Variants in CATSPERT observed in about 807,000 individuals in gnomAD.
CATSPERT encodes the protein cation channel sperm-associated targeting subunit tau.
chr2:201,579,855 T>TA, the CATSPERT span, among the ~76,000 whole-genome samples: 2 of 144,286 alleles, frequency 1.4e-5, no homozygotes, highest in Admixed American at 1.4e-4. Context: ...TTCTTTTTCT[T>TA]TTTTTTTTTT....
chr2:201,491,980 G>T, the CATSPERT span: 3 of 1,536,880 alleles, frequency 2.0e-6, no homozygotes, highest in Non-Finnish European at 1.7e-6. Flanking sequence ...ATTTTCATTG[G>T]AAGAAGGTTG....
At chr2:201,595,424 G>A in the CATSPERT span, among the ~76,000 whole-genome samples, 5 of 151,842 alleles carry the variant, frequency 3.3e-5, no homozygotes, top group African/African-American at 4.8e-5. Context: ...TCCTGACCTC[G>A]TGATCCGCCC....
the CATSPERT span, among the ~76,000 whole-genome samples, chr2:201,612,535 C>T: frequency 6.9e-6 from 1 of 145,908 alleles, no homozygotes; most frequent in Non-Finnish European, 1.5e-5. Flanking sequence ...GATCATGCCA[C>T]TGCACTCTAG....
chr2:201,511,934 G>A, the CATSPERT span: 1 of 132,696 alleles, frequency 7.5e-6, no homozygotes, highest in Non-Finnish European at 1.6e-5. Context: ...TAAAGATTTT[G>A]TGACTTGTTT....
chr2:201,558,006 C>G, the CATSPERT span: 1 of 152,174 alleles, frequency 6.6e-6, no homozygotes, highest in Non-Finnish European at 1.5e-5. Context: ...ACATGTATGC[C>G]TTTTCTTACA....
chr2:201,552,674 T>C, the CATSPERT span, among the ~76,000 whole-genome samples: 9 of 152,228 alleles, frequency 5.9e-5, no homozygotes, highest in Non-Finnish European at 1.3e-4. Flanking sequence ...GATTTTCCAC[T>C]GCATGGGTAG....
At chr2:201,534,029 A>T in the CATSPERT span, among the ~76,000 whole-genome samples, 1 of 146,252 alleles carries the variant, frequency 6.8e-6, no homozygotes, top group East Asian at 2.0e-4. Context: ...ACGGAAAGAG[A>T]GATCTGTATA....
chr2:201,594,448 T>C, the CATSPERT span, among the ~76,000 whole-genome samples: 2 of 152,204 alleles, frequency 1.3e-5, no homozygotes, highest in South Asian at 4.1e-4. Flanking sequence ...AATCTGACCA[T>C]TATGTGTCTT....
At chr2:201,545,717 T>G in the CATSPERT span, 1 of 750,034 alleles carries the variant, frequency 1.3e-6, no homozygotes, top group Non-Finnish European at 1.9e-6. Context: ...CCTTCATAAC[T>G]ACTTTTAATA....
chr2:201,544,013 C>T, the CATSPERT span, among the ~76,000 whole-genome samples: 1 of 152,054 alleles, frequency 6.6e-6, no homozygotes, highest in Non-Finnish European at 1.5e-5. Flanking sequence ...CCCCACTGCC[C>T]CCATCCCACG....
chr2:201,556,206 C>T, the CATSPERT span, among the ~76,000 whole-genome samples: 1 of 152,018 alleles, frequency 6.6e-6, no homozygotes, highest in Admixed American at 6.6e-5. Context: ...GTTTTAGGGA[C>T]CAAAAAAATG....
At chr2:201,513,483 A>G in the CATSPERT span, among the ~76,000 whole-genome samples, 2 of 152,228 alleles carry the variant, frequency 1.3e-5, no homozygotes, top group Non-Finnish European at 2.9e-5. Flanking sequence ...TATTAGTGGG[A>G]ATGTAAATTA....
At chr2:201,602,383 C>T in the CATSPERT span, among the ~76,000 whole-genome samples, 1 of 152,018 alleles carries the variant, frequency 6.6e-6, no homozygotes, top group Non-Finnish European at 1.5e-5. Context: ...CAAGATTTAA[C>T]TATCTTCAAA....
the CATSPERT span, among the ~76,000 whole-genome samples, chr2:201,602,094 C>G: frequency 6.6e-6 from 1 of 152,086 alleles, no homozygotes; most frequent in Non-Finnish European, 1.5e-5. Context: ...CCTTACATCC[C>G]TTATATTTTT....
the CATSPERT span, among the ~76,000 whole-genome samples, chr2:201,516,564 G>A: frequency 6.6e-6 from 1 of 152,144 alleles, no homozygotes; most frequent in African/African-American, 2.4e-5. Flanking sequence ...TATAATTCGA[G>A]ATGAGATTTG....
At chr2:201,547,320 C>T in the CATSPERT span, among the ~76,000 whole-genome samples, 1 of 151,974 alleles carries the variant, frequency 6.6e-6, no homozygotes, top group African/African-American at 2.4e-5. Context: ...AACTATTAAA[C>T]CCTATAAATT....
chr2:201,554,153 C>T, the CATSPERT span: 1 of 152,172 alleles, frequency 6.6e-6, no homozygotes, highest in African/African-American at 2.4e-5. Flanking sequence ...AACAGGACTA[C>T]TAGTATAATG....
At chr2:201,572,037 T>C in the CATSPERT span, 1 of 1,586,528 alleles carries the variant, frequency 6.3e-7, no homozygotes, top group East Asian at 2.2e-5. Flanking sequence ...AAAATGTAAG[T>C]GTATTTTAGC....
the CATSPERT span, chr2:201,554,711 AT>A: frequency 2.6e-5 from 4 of 152,172 alleles, no homozygotes; most frequent in Admixed American, 2.6e-4. Context: ...TAATCATAAC[AT>A]TTACTGCCAC....
Sources: allele counts gnomAD v4.1 joint callset (sites outside exome capture counted in the v4.1 genomes callset), GRCh38; gene constraint gnomAD v4.1.1; transcripts MANE v1.5; gene names NCBI Gene and HGNC (gene_info 2026-07-23, HGNC 2026-07-21).